Variants in NRG1 observed in about 807,000 individuals in gnomAD.
The protein encoded by NRG1 is pro-neuregulin-1, membrane-bound isoform.
NRG1 carries 18 observed loss-of-function variants against 63.8 expected under a neutral mutation model. The ratio of observed to expected loss-of-function variants is 0.28; its 90% CI spans 0.19 to 0.42. The LOEUF (loss-of-function observed/expected upper bound fraction) is 0.42. NRG1 is among the 10% of genes least tolerant of loss of function. The pLI is 1.00. For synonymous variants in NRG1, 302 were observed against 301.3 expected, an observed-to-expected ratio of 1.00 and a Z score of -0.02; for missense variants, 762 against 814.7, an observed-to-expected ratio of 0.94 and a Z score of 0.79.
intron 1 of NRG1, among the ~76,000 whole-genome samples, chr8:32,156,564 A>G (rs1272492496): frequency 2.0e-5 from 3 of 152,236 alleles, no homozygotes; most frequent in Non-Finnish European, 4.4e-5. Flanking sequence ...ATAATGAATG[A>G]AAAGAAAGAA....
chr8:32,334,830 T>G (rs1482775125), intron 1 of NRG1, among the ~76,000 whole-genome samples: 1 of 152,220 alleles, frequency 6.6e-6, no homozygotes. Context: ...ATATGGCAAA[T>G]GTTATGAATA....
chr8:31,669,406 T>C (rs1806881326), intron 1 of NRG1, among the ~76,000 whole-genome samples: 1 of 152,004 alleles, frequency 6.6e-6, no homozygotes, highest in Admixed American at 6.6e-5. Flanking sequence ...CCCGGCTAAT[T>C]TTTGTATTTT....
At chr8:32,054,240 G>A (rs1822473098) in intron 1 of NRG1, among the ~76,000 whole-genome samples, 1 of 152,180 alleles carries the variant, frequency 6.6e-6, no homozygotes, top group African/African-American at 2.4e-5. Context: ...TCTGTGTCTA[G>A]CAGGCTAAGA....
chr8:32,303,418 G>A (rs1262378071), intron 1 of NRG1, among the ~76,000 whole-genome samples: 7 of 151,976 alleles, frequency 4.6e-5, no homozygotes, highest in East Asian at 1.9e-4. Flanking sequence ...GCAGAAGGTG[G>A]AGCTACAGAA....
intron 1 of NRG1, among the ~76,000 whole-genome samples, chr8:31,964,992 T>A (rs1170706396): frequency 6.6e-6 from 1 of 152,032 alleles, no homozygotes; most frequent in Non-Finnish European, 1.5e-5. Context: ...AGACAAAAGC[T>A]CCATCGTTAG....
At chr8:32,160,438 A>G (rs1214913585) in intron 1 of NRG1, among the ~76,000 whole-genome samples, 3 of 152,172 alleles carry the variant, frequency 2.0e-5, no homozygotes, top group Non-Finnish European at 2.9e-5. Context: ...AGATGAGGAA[A>G]CTGACAGTCA....
chr8:31,727,735 T>C (rs538919175), intron 1 of NRG1, among the ~76,000 whole-genome samples: 1 of 152,280 alleles, frequency 6.6e-6, no homozygotes, highest in African/African-American at 2.4e-5. Flanking sequence ...TGGTACCAAG[T>C]CCTACATATA....
intron 1 of NRG1, among the ~76,000 whole-genome samples, chr8:32,157,064 G>C (rs1343537545): frequency 6.6e-6 from 1 of 151,112 alleles, no homozygotes; most frequent in Non-Finnish European, 1.5e-5. Flanking sequence ...GTGTGTGTGT[G>C]TGTGTGTGTG....
Position 32,234,641 on chromosome 8 carries a change from A to G in NRG1, c.38-361187A>G, listed in dbSNP as rs190633576. On this transcript the variant is annotated intron_variant, in intron 1 of 10. Transcript: ENST00000519301. The stretch of plus-strand genomic sequence containing the variant: ...ATAGGACAGTGACTTCACAATAAAA[A>G]TATTAAATGTGGCAGAAAGTATGGA... 3.0e-3 allele frequency among the ~76,000 whole-genome samples: 451 copies of G among 152,320 alleles called. 1 individual carries two copies. Among genetic ancestry groups the G allele is most frequent in the African/African-American group, 0.01 (432 of 41,582 alleles).
chr8:32,235,720 G>A (rs1299650256), intron 1 of NRG1, among the ~76,000 whole-genome samples: 1 of 152,122 alleles, frequency 6.6e-6, no homozygotes, highest in Non-Finnish European at 1.5e-5. Flanking sequence ...TCAGATTTCG[G>A]TGCAGTGGTT....
rs527887982 is a variant in NRG1 at position 31,949,671 on chromosome 8, G to A, written c.37+310240G>A. ...CTCATTACTGGAGCATTTTAGTTTC[G>A]GTTCTGGGTCATCTTCTCTTGCCCC... On this transcript the variant is annotated intron_variant, in intron 1 of 10. Transcript: ENST00000519301. Among the ~76,000 whole-genome samples the A allele has an allele frequency of 1.2e-4, 18 of 152,170 alleles. No individual in the cohort carries two copies. The East Asian group carries it at 3.1e-3, about 26-fold the overall frequency.
intron 1 of NRG1, among the ~76,000 whole-genome samples, chr8:32,141,602 A>G (rs1282958666): frequency 1.0e-5 from 1 of 97,696 alleles, no homozygotes. Context: ...GTATATATAT[A>G]TATATATATA....
intron 5 of NRG1, among the ~76,000 whole-genome samples, chr8:32,697,168 G>C (rs1225851651): frequency 6.6e-6 from 1 of 152,322 alleles, no homozygotes; most frequent in East Asian, 1.9e-4. Flanking sequence ...GATTGAAGTA[G>C]TATTGTGTGA....
At chr8:32,280,782 G>A (rs1852695834) in intron 1 of NRG1, among the ~76,000 whole-genome samples, 1 of 74,122 alleles carries the variant, frequency 1.3e-5, no homozygotes, top group African/African-American at 4.9e-5. Context: ...TTTTTTTTGA[G>A]ACAGAGTCTT....
At chr8:32,178,457 A>G (rs886508558) in intron 1 of NRG1, among the ~76,000 whole-genome samples, 6 of 152,106 alleles carry the variant, frequency 3.9e-5, no homozygotes, top group African/African-American at 1.4e-4. Flanking sequence ...TAAAAATACA[A>G]AAATTAGCTG....
intron 1 of NRG1, among the ~76,000 whole-genome samples, chr8:32,345,197 T>C (rs897386026): frequency 2.0e-5 from 3 of 152,204 alleles, no homozygotes; most frequent in Admixed American, 2.0e-4. Context: ...GTTCTGGGTG[T>C]AAATGTCTTC....
chr8:32,054,889 TTTTTTTTTTTTTTTTTTG>T (rs1170730813), intron 1 of NRG1, among the ~76,000 whole-genome samples: 21 of 53,982 alleles, frequency 3.9e-4, no homozygotes, highest in East Asian at 1.1e-3. Flanking sequence ...TTTTTTTTTT[TTTTTTTTTTTTTTTTTTG>T]AGATGAGTCT....
At chr8:31,786,236 C>T (rs1009917374) in intron 1 of NRG1, among the ~76,000 whole-genome samples, 2 of 152,168 alleles carry the variant, frequency 1.3e-5, no homozygotes, top group Non-Finnish European at 2.9e-5. Context: ...ATTCTCCATG[C>T]TGCATATGTG....
chr8:32,668,732 C>T (rs1026860774), intron 5 of NRG1, among the ~76,000 whole-genome samples: 1 of 152,010 alleles, frequency 6.6e-6, no homozygotes, highest in Non-Finnish European at 1.5e-5. Flanking sequence ...CTATTGTTTT[C>T]AGCAAATAGG....
Sources: allele counts gnomAD v4.1 joint callset (sites outside exome capture counted in the v4.1 genomes callset), GRCh38; gene constraint gnomAD v4.1.1; transcripts MANE v1.5; gene names NCBI Gene and HGNC (gene_info 2026-07-23, HGNC 2026-07-21).